FOCAD: variants seen among roughly 807,000 people sequenced by gnomAD.
FOCAD encodes KIAA1797.
FOCAD carries 198 observed loss-of-function variants against 225.6 expected under a neutral mutation model. The ratio of observed to expected loss-of-function variants is 0.88; its 90% confidence interval spans 0.78 to 0.99. The LOEUF (loss-of-function observed/expected upper bound fraction) is 0.99, where lower values mean the gene tolerates loss of function less well. FOCAD is among the 50% of genes least tolerant of loss of function. The probability of loss-of-function intolerance (pLI) is 0.00; values close to 1 mark genes in which losing one functional copy is unlikely to be tolerated. For synonymous variants in FOCAD, 897 were observed against 755.0 expected (o/e 1.19, Z -3.08); for missense variants, 2,713 against 2,123.6 (o/e 1.28, Z -5.46).
intron 2 of FOCAD, among the ~76,000 whole-genome samples, chr9:20,677,802 C>G (rs969813199): frequency 6.6e-6 from 1 of 152,284 alleles, no homozygotes; most frequent in South Asian, 2.1e-4. Context: ...AAAAATAGAA[C>G]TATATCTGAT....
chr9:20,748,446 A>G (rs1451281312), intron 5 of FOCAD, among the ~76,000 whole-genome samples: 1 of 152,050 alleles, frequency 6.6e-6, no homozygotes, highest in African/African-American at 2.4e-5. Flanking sequence ...TAAGAATTAC[A>G]TAAAAGTTTT....
At chr9:20,845,274 T>C (rs887716015) in intron 15 of FOCAD, among the ~76,000 whole-genome samples, 2 of 152,042 alleles carry the variant, frequency 1.3e-5, no homozygotes, top group African/African-American at 4.8e-5. Context: ...TTTACCCATA[T>C]GTCACTATCC....
At chr9:20,873,105 A>G (rs1266945219) in intron 18 of FOCAD, among the ~76,000 whole-genome samples, 2 of 152,154 alleles carry the variant, frequency 1.3e-5, no homozygotes, top group Non-Finnish European at 2.9e-5. Flanking sequence ...TTTTGAGGCT[A>G]TTATAAATAA....
chr9:20,773,440 C>T (rs997836826), intron 8 of FOCAD, among the ~76,000 whole-genome samples: 5 of 152,178 alleles, frequency 3.3e-5, no homozygotes, highest in African/African-American at 1.2e-4. Flanking sequence ...TTTAAAGTAG[C>T]ACCCACAGGT....
At chr9:20,818,000 C>T (rs1366007785) in intron 11 of FOCAD, among the ~76,000 whole-genome samples, 5 of 152,140 alleles carry the variant, frequency 3.3e-5, no homozygotes, top group African/African-American at 7.2e-5. Flanking sequence ...TACATTACCA[C>T]GAGCAGTGTA....
intron 35 of FOCAD, among the ~76,000 whole-genome samples, chr9:20,965,211 A>T (rs183755531): frequency 6.6e-6 from 1 of 152,260 alleles, no homozygotes; most frequent in Admixed American, 6.5e-5. Context: ...GGCCATTAGA[A>T]ATCTTAGCCA....
chr9:20,866,022 A>G, intron 17 of FOCAD, 46 bp downstream of exon 17: 1 of 1,489,144 alleles, frequency 6.7e-7, no homozygotes, highest in Non-Finnish European at 9.2e-7. Flanking sequence ...AGCTAAGGAA[A>G]TAATTTTGAC....
intron 4 of FOCAD, among the ~76,000 whole-genome samples, chr9:20,729,963 A>C (rs1419293795): frequency 6.6e-6 from 1 of 152,150 alleles, no homozygotes; most frequent in Non-Finnish European, 1.5e-5. Context: ...TTATCTCTCT[A>C]AACAGCAATA....
At chr9:20,931,179 A>C (rs1835432561) in intron 27 of FOCAD, among the ~76,000 whole-genome samples, 1 of 152,156 alleles carries the variant, frequency 6.6e-6, no homozygotes, top group Admixed American at 6.5e-5. Flanking sequence ...CCCCCAGAAC[A>C]CTTGACCCTG....
At chr9:20,771,077 C>G (rs1223322828) in intron 8 of FOCAD, among the ~76,000 whole-genome samples, 1 of 152,114 alleles carries the variant, frequency 6.6e-6, no homozygotes, top group Middle Eastern at 3.4e-3. Context: ...AGTTGAGATT[C>G]GAAGACTGAA....
intron 20 of FOCAD, among the ~76,000 whole-genome samples, chr9:20,883,632 G>A (rs1456452388): frequency 6.6e-6 from 1 of 152,162 alleles, no homozygotes; most frequent in African/African-American, 2.4e-5. Flanking sequence ...AAATTGAACA[G>A]TATACTTATA....
rs78207996 is a variant in FOCAD at position 20,913,572 on chromosome 9, C to A, written c.2807+618C>A. 3.9e-3 allele frequency among the ~76,000 whole-genome samples: 589 copies of A among 152,284 alleles called. 16 individuals are homozygous for A. The East Asian group carries it at 0.062, about 16-fold the overall frequency. ...AGTGCCTAAAGTCTAAATAGCTTTG[C>A]CTACAACCACAGGTTGCTTTAATCT... On this transcript the variant is annotated intron_variant, in intron 23 of 43. Transcript: ENST00000338382.
intron 35 of FOCAD, among the ~76,000 whole-genome samples, chr9:20,953,635 A>C (rs1226751919): frequency 2.6e-5 from 4 of 152,332 alleles, no homozygotes; most frequent in Admixed American, 6.5e-5. Context: ...CTGGAGCCAG[A>C]ACAGTGCCAT....
At chr9:20,854,217 C>T (rs1374874101) in intron 15 of FOCAD, among the ~76,000 whole-genome samples, 1 of 151,680 alleles carries the variant, frequency 6.6e-6, no homozygotes, top group Non-Finnish European at 1.5e-5. Context: ...GGAGATAGCT[C>T]TCTGTTCCTC....
At chr9:20,884,308 T>G (rs1830923031) in intron 20 of FOCAD, among the ~76,000 whole-genome samples, 1 of 152,150 alleles carries the variant, frequency 6.6e-6, no homozygotes, top group South Asian at 2.1e-4. Context: ...TATATTACGT[T>G]TATATTTTGA....
At chr9:20,780,307 C>T (rs924288461) in intron 9 of FOCAD, among the ~76,000 whole-genome samples, 2 of 152,000 alleles carry the variant, frequency 1.3e-5, no homozygotes, top group African/African-American at 2.4e-5. Context: ...TGTTTTCTGA[C>T]AAAAAAATTC....
chr9:20,829,173 C>T (rs1825231297), intron 15 of FOCAD, among the ~76,000 whole-genome samples: 1 of 152,032 alleles, frequency 6.6e-6, no homozygotes, highest in African/African-American at 2.4e-5. Context: ...ATTGCTGGGT[C>T]AGATGGTATT....
intron 15 of FOCAD, among the ~76,000 whole-genome samples, chr9:20,849,499 G>A (rs1827443682): frequency 6.6e-6 from 1 of 151,602 alleles, no homozygotes; most frequent in Non-Finnish European, 1.5e-5. Flanking sequence ...AACATTAATA[G>A]CTCACTTACA....
At chr9:20,787,528 C>A (rs1481297597) in intron 10 of FOCAD, among the ~76,000 whole-genome samples, 1 of 150,872 alleles carries the variant, frequency 6.6e-6, no homozygotes, top group Non-Finnish European at 1.5e-5. Flanking sequence ...ATTTCTTCTT[C>A]ATGGGAAGAA....
Sources: allele counts gnomAD v4.1 joint callset (sites outside exome capture counted in the v4.1 genomes callset), GRCh38; gene constraint gnomAD v4.1.1; transcripts MANE v1.5; gene names NCBI Gene and HGNC (gene_info 2026-07-23, HGNC 2026-07-21).